The following GLI3 variants were observed in gnomAD, a reference collection of about 807,000 sequenced individuals.
The protein encoded by GLI3 is GLI family zinc finger 3.
In GLI3, 20 loss-of-function variants were observed where a neutral mutation model predicts 100.8. That is an observed-to-expected ratio of 0.20 (90% CI 0.14 to 0.29). GLI3 has a LOEUF of 0.29. GLI3 is among the 10% of genes least tolerant of loss of function. GLI3 has a pLI of 1.00. For synonymous variants in GLI3, 938 were observed against 860.5 expected (o/e 1.09, Z -1.58); for missense variants, 2,040 against 2,128.5 (o/e 0.96, Z 0.82).
chr7:41,961,825 A>G lies in GLI3; in HGVS notation c.*2505T>C, dbSNP rs1292139467. On this transcript the variant is annotated 3_prime_UTR_variant, in exon 15 of 15. Coordinates refer to ENST00000395925, the MANE Select transcript of GLI3 (RefSeq NM_000168.6). ...TCCTTCCACTGGACTGCCACAACAG[A>G]TCACTGAAATTCTGGAGGAGTATAC... is the stretch of plus-strand genomic sequence containing the variant. The G allele has an allele frequency of 2.6e-5, 4 of 152,218 alleles. No homozygotes were observed. The highest frequency in any genetic ancestry group is 9.7e-5 in the African/African-American group (4 of 41,434). The allele number at this position is 152,218 out of a possible 1,614,324, so 9.4% of individuals were successfully genotyped here.
intron 4 of GLI3, among the ~76,000 whole-genome samples, chr7:42,071,017 C>T (rs1784774105): frequency 6.6e-6 from 1 of 152,130 alleles, no homozygotes; most frequent in Admixed American, 6.5e-5. Flanking sequence ...CACGAGGTGA[C>T]ACACTCAAAC....
At chr7:42,237,292 G>T (rs1027173398), upstream of GLI3, among the ~76,000 whole-genome samples, 3 of 151,580 alleles carry the variant, frequency 2.0e-5, no homozygotes, top group African/African-American at 4.8e-5. Flanking sequence ...CGTGTAATCC[G>T]ATCCCTTCTG....
intron 10 of GLI3, among the ~76,000 whole-genome samples, chr7:41,989,253 GT>G (rs563541360): frequency 4.4e-4 from 67 of 152,316 alleles, no homozygotes; most frequent in African/African-American, 1.6e-3. Context: ...TATTTTAACT[GT>G]GTAGTCATGG....
chr7:42,146,130 G>C (rs1454157102), intron 3 of GLI3, among the ~76,000 whole-genome samples: 1 of 152,164 alleles, frequency 6.6e-6, no homozygotes, highest in Non-Finnish European at 1.5e-5. Context: ...TTGCCATTTG[G>C]TTACAGAGAA....
At chr7:42,147,576 A>G (rs1229259023) in intron 3 of GLI3, among the ~76,000 whole-genome samples, 3 of 152,316 alleles carry the variant, frequency 2.0e-5, no homozygotes, top group Admixed American at 1.3e-4. Context: ...TTTTCTTTAT[A>G]TTCTGCCGTT....
chr7:42,245,843 T>C (rs2128709656), intron 1 of GLI3, among the ~76,000 whole-genome samples: 1 of 145,332 alleles, frequency 6.9e-6, no homozygotes, highest in Non-Finnish European at 1.5e-5. Flanking sequence ...CAGGATAGGA[T>C]CGCAACAAAC....
At chr7:42,019,969 A>G (rs1375007954) in intron 10 of GLI3, among the ~76,000 whole-genome samples, 2 of 152,212 alleles carry the variant, frequency 1.3e-5, no homozygotes, top group Admixed American at 6.5e-5. Flanking sequence ...TACTAGCTTG[A>G]GAGTAACTAA....
intron 12 of GLI3, among the ~76,000 whole-genome samples, chr7:41,976,286 T>C (rs1345896768): frequency 6.6e-6 from 1 of 152,202 alleles, no homozygotes; most frequent in Non-Finnish European, 1.5e-5. Context: ...TTCAAACAGT[T>C]AGAAAATGAG....
Position 41,965,180 on chromosome 7 carries a change from G to T in GLI3, c.3893C>A (p.Pro1298Gln), listed in dbSNP as rs182571462. ...GCCAGCTGACTCATTTGGCGCTACC[G>T]GCAGGCCGAAATTCAGCTGGCCCCC... ...GSGGQLNFGL[P>Q]VAPNESAGSM... Residue 1298 changes from proline (P) to glutamine (Q), a missense_variant, in exon 15 of 15, where the codon CCG (proline) becomes CAG (glutamine). Coordinates refer to ENST00000395925, the MANE Select transcript of GLI3 (RefSeq NM_000168.6). 3.7e-6 allele frequency: 6 copies of T among 1,613,864 alleles called. No homozygotes were observed. The Admixed American group carries it at 1.0e-4, about 27-fold the overall frequency.
intron 10 of GLI3, among the ~76,000 whole-genome samples, chr7:42,016,386 C>T (rs1311087264): frequency 6.6e-6 from 1 of 152,174 alleles, no homozygotes; most frequent in Admixed American, 6.5e-5. Flanking sequence ...ACATACCAAC[C>T]CCAACACTGC....
At position 41,972,651 on chromosome 7, in the gene GLI3, G is replaced by A. The variant is rs192639856; in HGVS notation, c.1813-24C>T. ...TTCTGCCAAATCCCACAAGAACGAG[G>A]TAAGAGATTGTTATGAAAGAGACTA... On this transcript the variant is annotated intron_variant, in intron 12 of 14. Transcript: ENST00000395925. This position sits in a 1 kb window ranked among gnomAD's most constrained non-coding sequence, Gnocchi z 4.4. The A allele has an allele frequency of 1.4e-5, 22 of 1,594,202 alleles. No homozygotes were observed. The African/African-American group carries it at 1.6e-4, about 12-fold the overall frequency.
At chr7:42,242,676 C>A (rs901733708), upstream of GLI3, among the ~76,000 whole-genome samples, 3 of 152,114 alleles carry the variant, frequency 2.0e-5, no homozygotes, top group Non-Finnish European at 2.9e-5. Flanking sequence ...AACAAAGAGC[C>A]CTCCAGTTAG....
chr7:41,996,776 T>C (rs909115363), intron 10 of GLI3, among the ~76,000 whole-genome samples: 3 of 152,202 alleles, frequency 2.0e-5, no homozygotes, highest in African/African-American at 7.2e-5. Context: ...CTCTTCAATA[T>C]TCTACTTAAG....
At chr7:42,094,169 C>T (rs995941718) in intron 3 of GLI3, among the ~76,000 whole-genome samples, 5 of 152,160 alleles carry the variant, frequency 3.3e-5, no homozygotes, top group Non-Finnish European at 7.3e-5. Flanking sequence ...GGTTGATACT[C>T]AGCTGTTCTT....
rs1298970520 is a variant in GLI3 at position 41,978,979 on chromosome 7, T to C, written c.1498-231A>G. ...ACCAGTGGGAGTGGCAAGACCGGGA[T>C]GGAGCCTGGCATTCCAGGAAATATA... On this transcript the variant is annotated intron_variant, in intron 10 of 14. Transcript: ENST00000395925. 3.3e-5 allele frequency among the ~76,000 whole-genome samples: 5 copies of C among 152,234 alleles called. No individual in the cohort carries two copies. In the East Asian group the frequency reaches 9.6e-4, roughly 29 times the overall value.
At chr7:42,120,263 C>T (rs982115975) in intron 3 of GLI3, among the ~76,000 whole-genome samples, 1 of 152,148 alleles carries the variant, frequency 6.6e-6, no homozygotes, top group Non-Finnish European at 1.5e-5. Context: ...TTTGTTTAAT[C>T]GAGAAATCTG....
At chr7:42,046,666 C>A (rs1784251874) in intron 5 of GLI3, among the ~76,000 whole-genome samples, 1 of 152,130 alleles carries the variant, frequency 6.6e-6, no homozygotes, top group African/African-American at 2.4e-5. Context: ...TTTCCACTAG[C>A]CCGAATAAAT....
chr7:42,037,096 G>A (rs957996710), intron 7 of GLI3, among the ~76,000 whole-genome samples: 3 of 152,042 alleles, frequency 2.0e-5, no homozygotes, highest in Non-Finnish European at 4.4e-5. Context: ...AGCCGAGATC[G>A]TGCCACTTCA....
At chr7:42,102,388 C>A (rs950530416) in intron 3 of GLI3, among the ~76,000 whole-genome samples, 6 of 152,202 alleles carry the variant, frequency 3.9e-5, no homozygotes, top group Non-Finnish European at 7.3e-5. Flanking sequence ...AGAGCTCATT[C>A]CCCCAGGGAG....
Sources: allele counts gnomAD v4.1 joint callset (sites outside exome capture counted in the v4.1 genomes callset), GRCh38; gene constraint gnomAD v4.1.1; non-coding constraint Gnocchi (gnomAD v3.1); transcripts MANE v1.5; gene names NCBI Gene and HGNC (gene_info 2026-07-23, HGNC 2026-07-21).